TOP3A: variants seen among roughly 807,000 people sequenced by gnomAD.
TOP3A encodes DNA topoisomerase III alpha.
Under a neutral mutation model 111.3 loss-of-function variants are expected in TOP3A, and 64 were observed. That is an observed-to-expected ratio of 0.57 (90% CI 0.47 to 0.71). The LOEUF is 0.71. Among genes scored for constraint, TOP3A ranks in the 30% least tolerant of loss-of-function variants. The pLI is 0.00. For missense variants in TOP3A, 1,104 were observed against 1,285.0 expected, an observed-to-expected ratio of 0.86 and a Z score of 2.15; for synonymous variants, 484 against 485.1, an observed-to-expected ratio of 1.00 and a Z score of 0.03.
At chr17:18,311,691 T>C (rs1255778451) in intron 1 of TOP3A, among the ~76,000 whole-genome samples, 1 of 152,144 alleles carries the variant, frequency 6.6e-6, no homozygotes, top group East Asian at 1.9e-4. Flanking sequence ...TCCTTTGGAG[T>C]TTAGAGTCCA....
intron 13 of TOP3A, 88 bp from the exon 14 acceptor site, chr17:18,285,608 C>T: frequency 9.3e-7 from 1 of 1,073,540 alleles, no homozygotes; most frequent in Non-Finnish European, 1.4e-6. Flanking sequence ...CCCCGGAATC[C>T]CTCCTTTGCC....
intron 15 of TOP3A, 111 bp downstream of exon 15, chr17:18,285,031 G>C (rs1056728021): frequency 7.5e-7 from 1 of 1,327,676 alleles, no homozygotes; most frequent in Non-Finnish European, 1.1e-6. Context: ...GCTCACGCCT[G>C]TAATCCCCAC....
chr17:18,304,231 C>G (rs536597054), intron 5 of TOP3A, among the ~76,000 whole-genome samples: 55 of 152,290 alleles, frequency 3.6e-4, no homozygotes, highest in African/African-American at 1.3e-3. Context: ...TCCCAAAGTG[C>G]TGGGATTACA....
chr17:18,300,590 C>T (rs1184201301), intron 8 of TOP3A, among the ~76,000 whole-genome samples: 1 of 151,594 alleles, frequency 6.6e-6, no homozygotes, highest in Admixed American at 6.6e-5. Context: ...GTATCTCGTT[C>T]TGTCACTCAG....
At position 18,274,578 on chromosome 17, in the gene TOP3A, G is replaced by A; in HGVS notation, c.*224C>T. 1 of 601,528 alleles carries A rather than the reference G, an allele frequency of 1.7e-6. No homozygotes were observed. Among genetic ancestry groups the A allele is most frequent in the Non-Finnish European group, 2.6e-6 (1 of 389,690 alleles). 37.3% of individuals were successfully genotyped at this position (601,528 alleles called of 1,614,324 possible). ...TGCGTGACTTTTCAGCAGTGGCTAT[G>A]GTCACTCCTGAGGCCTGGGAAGAGG... On this transcript the variant is annotated 3_prime_UTR_variant, in exon 19 of 19. Coordinates refer to ENST00000321105, the MANE Select transcript of TOP3A (RefSeq NM_004618.5).
At chr17:18,308,780 AC>A (rs1981739921) in intron 2 of TOP3A, 101 bp downstream of exon 2, 17 of 696,782 alleles carry the variant, frequency 2.4e-5, no homozygotes, top group Non-Finnish European at 3.9e-5. Context: ...TAGGTTGTTA[AC>A]AGTTGTTATT....
intron 3 of TOP3A, among the ~76,000 whole-genome samples, chr17:18,307,915 A>G (rs1016689694): frequency 6.9e-6 from 1 of 145,802 alleles, no homozygotes; most frequent in African/African-American, 2.5e-5. Flanking sequence ...GACTCAAAAA[A>G]AAAAAAAAAA....
chr17:18,276,226 G>A (rs959286010), intron 18 of TOP3A, among the ~76,000 whole-genome samples: 13 of 152,106 alleles, frequency 8.5e-5, no homozygotes, highest in Non-Finnish European at 1.6e-4. Context: ...GGCAACCTGC[G>A]GCCCACCTCC....
chr17:18,312,043 C>T, intron 1 of TOP3A: 1 of 152,436 alleles, frequency 6.6e-6, no homozygotes, highest in Non-Finnish European at 1.5e-5. Flanking sequence ...GCCTAAGGGC[C>T]TCACCCACTT....
chr17:18,300,239 C>G (rs1321523620), intron 8 of TOP3A, among the ~76,000 whole-genome samples: 1 of 152,032 alleles, frequency 6.6e-6, no homozygotes, highest in Non-Finnish European at 1.5e-5. Context: ...ACTAAAAATA[C>G]AAAAATTAGC....
chr17:18,282,619 A>G, intron 16 of TOP3A, 79 bp downstream of exon 16: 1 of 1,581,630 alleles, frequency 6.3e-7, no homozygotes, highest in Non-Finnish European at 8.6e-7. Flanking sequence ...CATGGAGTGA[A>G]ATGGCAGGGT....
Position 18,306,931 on chromosome 17 carries a change from T to C in TOP3A, c.350A>G (p.Glu117Gly), listed in dbSNP as rs957784971. 10 of 1,613,866 alleles carry C rather than the reference T, an allele frequency of 6.2e-6. No individual in the cohort carries two copies. The highest frequency in any genetic ancestry group is 8.5e-6 in the Non-Finnish European group (10 of 1,179,944). ...ATTCTCTGGGCAGTACTTTTCAATTTCTGCTTCAAAGAGGACAAGAGGGTT... is the reference window on the plus strand; with the variant it reads ...ATTCTCTGGGCAGTACTTTTCAATTCCTGCTTCAAAGAGGACAAGAGGGTT... ...SCNPLVLFEA[E>G]IEKYCPENFV... The change falls in exon 4 of 19, where the codon GAA (glutamate) becomes GGA (glycine). Residue 117 changes from glutamate to glycine, a missense_variant. Transcript: ENST00000321105.
At position 18,285,266 on chromosome 17, in the gene TOP3A, G is replaced by A. The variant is rs765482572; in HGVS notation, c.1753C>T (p.Arg585Trp). 21 of 1,614,036 alleles carry A rather than the reference G, an allele frequency of 1.3e-5. No individual in the cohort carries two copies. The highest frequency in any genetic ancestry group is 3.3e-5 in the Admixed American group (2 of 59,988). Reference sequence around the variant, plus strand: ...TTCAGATCAGCTTCCAGTTCAGCCCGGAGGTCAGGCTTAGACATTTCATAG... The same window carrying A: ...TTCAGATCAGCTTCCAGTTCAGCCCAGAGGTCAGGCTTAGACATTTCATAG... ...MGYEMSKPDL[R>W]AELEADLKLI... is the part of the protein sequence containing the mutation. The change falls in exon 15 of 19, where the codon CGG (arginine) becomes TGG (tryptophan). Residue 585 changes from arginine to tryptophan, a missense_variant. Arg to Trp is a moderately radical substitution (Grantham distance 101). Transcript: ENST00000321105.
In TOP3A at chr17:18,301,945, C is replaced by A; in HGVS notation, c.855G>T (p.Trp285Cys). 1 of 1,614,170 alleles carries A rather than the reference C, an allele frequency of 6.2e-7. No homozygotes were observed. Residue 285 changes from tryptophan (W) to cysteine (C), a missense_variant, in exon 8 of 19, where the codon TGG becomes TGT. Trp to Cys is a radical substitution (Grantham distance 215, BLOSUM62 -2). Coordinates refer to ENST00000321105, the MANE Select transcript of TOP3A (RefSeq NM_004618.5). ...TGTGGTTAAAGAGTCGATGCCTTTTCCAGTTGAATTCTACGATACCATCTT... is the reference window on the plus strand; with the variant it reads ...TGTGGTTAAAGAGTCGATGCCTTTTACAGTTGAATTCTACGATACCATCTT... ...DHKDGIVEFN[W>C]KRHRLFNHTA... is the part of the protein sequence containing the mutation.
chr17:18,309,872 G>A (rs1981809258), intron 1 of TOP3A, among the ~76,000 whole-genome samples: 1 of 150,528 alleles, frequency 6.6e-6, no homozygotes, highest in African/African-American at 2.4e-5. Flanking sequence ...ACCACGCCCG[G>A]CTAATTTTTT....
At chr17:18,288,461 ATATTAT>A (rs914571026) in intron 13 of TOP3A, among the ~76,000 whole-genome samples, 1 of 150,024 alleles carries the variant, frequency 6.7e-6, no homozygotes, top group East Asian at 2.0e-4. Flanking sequence ...TCTTTTAAAA[ATATTAT>A]TATTATTTTT....
At chr17:18,282,955 C>T in intron 15 of TOP3A, 114 bp from the exon 16 acceptor site, 1 of 1,351,756 alleles carries the variant, frequency 7.4e-7, no homozygotes, top group Non-Finnish European at 1.0e-6. Flanking sequence ...GGTCAGTGAG[C>T]CGCAGGCCTC....
At chr17:18,308,244 AAAAAAAAAAAAAAAAT>A in intron 3 of TOP3A, 91 bp downstream of exon 3, 1 of 335,180 alleles carries the variant, frequency 3.0e-6, no homozygotes, top group Non-Finnish European at 5.1e-6. Context: ...AAAAAAAAAA[AAAAAAAAAAAAAAAAT>A]TACCCAGTAA....
At chr17:18,300,564 T>C (rs1981165709) in intron 8 of TOP3A, among the ~76,000 whole-genome samples, 1 of 142,342 alleles carries the variant, frequency 7.0e-6, no homozygotes, top group South Asian at 2.1e-4. Context: ...TATTATTTGA[T>C]TTTTTTTTTG....
Sources: gnomAD v4.1 joint callset for allele counts (sites outside exome capture counted in the v4.1 genomes callset) on GRCh38, gnomAD v4.1.1 for gene constraint, MANE v1.5 for transcripts, NCBI Gene and HGNC (gene_info 2026-07-23, HGNC 2026-07-21) for gene names.